Variants in LEKR1 observed in about 807,000 individuals in gnomAD.
The protein encoded by LEKR1 is leucine, glutamate and lysine rich 1.
Under a neutral mutation model 72.4 loss-of-function variants are expected in LEKR1, and 59 were observed. The ratio of observed to expected loss-of-function variants is 0.82; its 90% confidence interval spans 0.66 to 1.01. LEKR1 has a LOEUF of 1.01. LEKR1 is among the 50% of genes least tolerant of loss of function. LEKR1 has a pLI of 0.00. For missense variants in LEKR1, 728 were observed against 759.2 expected, an observed-to-expected ratio of 0.96 and a Z score of 0.48; for synonymous variants, 257 against 263.2, an observed-to-expected ratio of 0.98 and a Z score of 0.23.
At chr3:156,909,186 G>C (rs1472198362) in intron 3 of LEKR1, among the ~76,000 whole-genome samples, 1 of 152,180 alleles carries the variant, frequency 6.6e-6, no homozygotes, top group East Asian at 1.9e-4. Context: ...GGATCTGTGA[G>C]TCAATTAAAC....
At chr3:156,965,634 A>T (rs1419812881) in intron 6 of LEKR1, among the ~76,000 whole-genome samples, 1 of 152,180 alleles carries the variant, frequency 6.6e-6, no homozygotes. Flanking sequence ...CCCTTCTAGG[A>T]TAATGCAGGA....
intron 3 of LEKR1, among the ~76,000 whole-genome samples, chr3:156,901,529 A>G (rs1722033655): frequency 6.6e-6 from 1 of 152,122 alleles, no homozygotes; most frequent in Non-Finnish European, 1.5e-5. Flanking sequence ...AATGATTTTT[A>G]GTTTTCCTTT....
intron 10 of LEKR1, among the ~76,000 whole-genome samples, chr3:157,022,066 C>A (rs1269131741): frequency 6.6e-6 from 1 of 152,092 alleles, no homozygotes; most frequent in Non-Finnish European, 1.5e-5. Flanking sequence ...TCCAGGACTG[C>A]CACCATACAC....
chr3:156,836,396 A>T (rs1354474716), intron 2 of LEKR1, among the ~76,000 whole-genome samples: 2 of 152,160 alleles, frequency 1.3e-5, no homozygotes, highest in Admixed American at 1.3e-4. Flanking sequence ...CAATTCAGCC[A>T]ACCAAGAAGA....
intron 3 of LEKR1, among the ~76,000 whole-genome samples, chr3:156,884,910 A>G (rs1310536181): frequency 6.6e-6 from 1 of 151,840 alleles, no homozygotes; most frequent in Non-Finnish European, 1.5e-5. Context: ...CCTCAAGAGC[A>G]CCAATTATTC....
chr3:156,969,888 A>G (rs1729003000), intron 6 of LEKR1, among the ~76,000 whole-genome samples: 1 of 152,204 alleles, frequency 6.6e-6, no homozygotes, highest in South Asian at 2.1e-4. Flanking sequence ...ATACTGGCAA[A>G]CCATATCCAG....
chr3:156,881,312 C>T (rs146193936), intron 3 of LEKR1, among the ~76,000 whole-genome samples: 7,625 of 152,156 alleles, frequency 0.05, 271 homozygotes, highest in South Asian at 0.12. Context: ...TCTCAGCCTA[C>T]AAAATCAATG....
At chr3:156,841,830 G>A (rs1402511474) in intron 2 of LEKR1, among the ~76,000 whole-genome samples, 1 of 152,144 alleles carries the variant, frequency 6.6e-6, no homozygotes, top group African/African-American at 2.4e-5. Flanking sequence ...TCAGCTGCGT[G>A]TGTTATTCTA....
At chr3:156,918,511 A>G (rs539397639) in intron 3 of LEKR1, among the ~76,000 whole-genome samples, 1 of 152,280 alleles carries the variant, frequency 6.6e-6, no homozygotes, top group East Asian at 1.9e-4. Flanking sequence ...AATAAAGTAC[A>G]GATACCAAAG....
chr3:156,930,647 C>T (rs565133789), intron 5 of LEKR1, among the ~76,000 whole-genome samples: 91 of 151,914 alleles, frequency 6.0e-4, no homozygotes, highest in African/African-American at 2.1e-3. Flanking sequence ...TCAAACAATC[C>T]AAAAAATGGC....
At chr3:156,850,816 GCT>G (rs774335708) in intron 2 of LEKR1, among the ~76,000 whole-genome samples, 4,844 of 152,224 alleles carry the variant, frequency 0.032, 118 homozygotes, top group Non-Finnish European at 0.048. Flanking sequence ...AGCCAGGGCT[GCT>G]ATGGATTCTC....
rs372939467 is a variant in LEKR1 at position 156,841,421 on chromosome 3, C to T, written c.49-11347C>T. On this transcript the variant is annotated intron_variant, in intron 2 of 12. Transcript: ENST00000356539. The stretch of plus-strand genomic sequence containing the variant: ...GTAAATTGTTTAAAAAATACTAAAA[C>T]CAAGCATTTCATAAATCTGCAGATA... Among the ~76,000 whole-genome samples, 171 of 152,216 alleles carry T rather than the reference C, an allele frequency of 1.1e-3. 3 individuals carry two copies. The South Asian group carries it at 0.026, about 24-fold the overall frequency.
chr3:156,998,495 A>G (rs1405021180), intron 9 of LEKR1, among the ~76,000 whole-genome samples: 1 of 152,138 alleles, frequency 6.6e-6, no homozygotes, highest in East Asian at 1.9e-4. Flanking sequence ...TTATCTTGGT[A>G]AACTCCAAGA....
chr3:156,836,424 C>CA (rs940782322), intron 2 of LEKR1, among the ~76,000 whole-genome samples: 57 of 151,138 alleles, frequency 3.8e-4, no homozygotes, highest in African/African-American at 7.5e-4. Flanking sequence ...AGCTTTTTCT[C>CA]AAAAAAAACA....
chr3:156,872,090 CTT>C (rs541032237), intron 3 of LEKR1, among the ~76,000 whole-genome samples: 4 of 143,192 alleles, frequency 2.8e-5, no homozygotes, highest in Admixed American at 6.9e-5. Context: ...TGTTGGCAGA[CTT>C]TTTTTTTTTT....
chr3:156,946,288 A>G (rs1457321766), intron 6 of LEKR1, among the ~76,000 whole-genome samples: 1 of 151,480 alleles, frequency 6.6e-6, no homozygotes, highest in Non-Finnish European at 1.5e-5. Context: ...TTGTATGTTG[A>G]TTCTGTATCC....
chr3:157,023,617 A>G (rs567574809), intron 10 of LEKR1, among the ~76,000 whole-genome samples: 1 of 152,148 alleles, frequency 6.6e-6, no homozygotes, highest in Non-Finnish European at 1.5e-5. Flanking sequence ...TTTAATCCTC[A>G]TAACAGCCCC....
chr3:157,001,547 G>T (rs1274739318), intron 9 of LEKR1, among the ~76,000 whole-genome samples: 4 of 152,184 alleles, frequency 2.6e-5, no homozygotes, highest in African/African-American at 9.6e-5. Flanking sequence ...TTTTCCTTTT[G>T]GTCCAATAAT....
chr3:157,045,646 C>T lies in LEKR1; in HGVS notation c.1975C>T (p.Pro659Ser), dbSNP rs778881300. The T allele has an allele frequency of 6.2e-7, 1 of 1,614,088 alleles. No homozygotes were observed. Among genetic ancestry groups the T allele is most frequent in the East Asian group, 2.2e-5 (1 of 44,870 alleles). Reference protein sequence around the residue: ...DKPKRVRSGVPILPQPHPPRG... With the variant: ...DKPKRVRSGVSILPQPHPPRG... ...GCCGAAGAGGGTTAGATCAGGCGTG[C>T]CCATTCTCCCCCAGCCACATCCTCC... The change falls in exon 13 of 13, where the codon CCC becomes TCC. Residue 659 changes from proline to serine, a missense_variant. By Grantham distance (74) the Pro-to-Ser change is moderately conservative. Transcript: ENST00000356539.
Sources: allele counts gnomAD v4.1 joint callset (sites outside exome capture counted in the v4.1 genomes callset), GRCh38; gene constraint gnomAD v4.1.1; transcripts MANE v1.5; gene names NCBI Gene and HGNC (gene_info 2026-07-23, HGNC 2026-07-21).